The following FBXL20 variants were observed in gnomAD, a reference collection of about 807,000 sequenced individuals.
The protein encoded by FBXL20 is F-box and leucine rich repeat protein 20, also known as F-box/LRR-repeat protein 20.
Under a neutral mutation model 64.0 loss-of-function variants are expected in FBXL20, and 11 were observed. That is an observed-to-expected ratio of 0.17 (90% CI 0.11 to 0.28). The LOEUF is 0.28. Among genes scored for constraint, FBXL20 ranks in the 10% least tolerant of loss-of-function variants. The pLI, the probability that FBXL20 is intolerant of heterozygous loss-of-function variation, is 1.00. For synonymous variants in FBXL20, 184 were observed against 189.0 expected, an observed-to-expected ratio of 0.97 and a Z score of 0.22; for missense variants, 303 against 526.2, an observed-to-expected ratio of 0.58 and a Z score of 4.15.
chr17:39,272,982 T>C (rs186178308), intron 10 of FBXL20, among the ~76,000 whole-genome samples: 1 of 152,204 alleles, frequency 6.6e-6, no homozygotes, highest in Non-Finnish European at 1.5e-5. Flanking sequence ...TATTACTAAT[T>C]TTGACCAATA....
chr17:39,288,155 CG>C (rs1367774206), intron 6 of FBXL20, among the ~76,000 whole-genome samples: 4 of 151,742 alleles, frequency 2.6e-5, no homozygotes, highest in Admixed American at 1.3e-4. Flanking sequence ...TTAGTAGAGA[CG>C]GGGTTTCACC....
intron 6 of FBXL20, among the ~76,000 whole-genome samples, chr17:39,289,609 A>G (rs548704669): frequency 6.6e-6 from 1 of 152,150 alleles, no homozygotes; most frequent in East Asian, 1.9e-4. Flanking sequence ...TTGTGCCACC[A>G]CTGCATTCCA....
At position 39,252,816 on chromosome 17, in the gene FBXL20, T is replaced by C. The variant is rs74732647; in HGVS notation, c.*8644A>G. ...AAGATTTTTAAAGCAAAAGGAATCCTCTACTGCCACCTCGGATTTTATTTA... is the reference window on the plus strand; with the variant it reads ...AAGATTTTTAAAGCAAAAGGAATCCCCTACTGCCACCTCGGATTTTATTTA... On this transcript the variant is annotated 3_prime_UTR_variant, in exon 15 of 15. Transcript: ENST00000264658. 1.1e-3 allele frequency: 172 copies of C among 151,526 alleles called. 5 individuals carry two copies. In the East Asian group the frequency reaches 0.03, roughly 26 times the overall value. 9.4% of individuals were successfully genotyped at this position (151,526 alleles called of 1,614,324 possible).
intron 1 of FBXL20, among the ~76,000 whole-genome samples, chr17:39,395,185 G>A (rs1333862105): frequency 1.3e-5 from 2 of 152,286 alleles, no homozygotes; most frequent in East Asian, 3.9e-4. Context: ...AGCACTTTGG[G>A]AGGCCGAGGT....
intron 2 of FBXL20, among the ~76,000 whole-genome samples, chr17:39,330,311 A>T (rs1280322531): frequency 6.8e-6 from 1 of 147,990 alleles, no homozygotes; most frequent in Non-Finnish European, 1.5e-5. Flanking sequence ...AATAAAAAAT[A>T]AAAATAAAAA....
intron 1 of FBXL20, among the ~76,000 whole-genome samples, chr17:39,352,371 TA>T (rs2047695662): frequency 6.7e-6 from 1 of 150,332 alleles, no homozygotes; most frequent in Non-Finnish European, 1.5e-5. Flanking sequence ...TCTGAAAAAA[TA>T]AATACATTAA....
rs1332832420 is a variant in FBXL20 at position 39,254,059 on chromosome 17, A to G, written c.*7401T>C. On this transcript the variant is annotated 3_prime_UTR_variant, in exon 15 of 15. Coordinates refer to ENST00000264658, the MANE Select transcript of FBXL20 (RefSeq NM_032875.3). ...AATGAGATAATGGCAAGAGAAACTTAGTGAAGCAAAGTTTTCTTTTCTTTT... is the reference window on the plus strand; with the variant it reads ...AATGAGATAATGGCAAGAGAAACTTGGTGAAGCAAAGTTTTCTTTTCTTTT... 1 of 152,234 alleles carries G rather than the reference A, an allele frequency of 6.6e-6. No individual in the cohort carries two copies. Among genetic ancestry groups the G allele is most frequent in the African/African-American group, 2.4e-5 (1 of 41,462 alleles). The allele number at this position is 152,234 out of a possible 1,614,324, so 9.4% of individuals were successfully genotyped here. A position where few individuals can be genotyped will look rare whatever the true frequency, so the allele number is the denominator to read the frequency against.
chr17:39,310,509 T>C (rs544205776), intron 2 of FBXL20, among the ~76,000 whole-genome samples: 1 of 152,266 alleles, frequency 6.6e-6, no homozygotes, highest in South Asian at 2.1e-4. Flanking sequence ...TGGACTCCTG[T>C]CTACGTGTTA....
intron 1 of FBXL20, among the ~76,000 whole-genome samples, chr17:39,374,838 G>A (rs1214663511): frequency 6.6e-6 from 1 of 152,000 alleles, no homozygotes; most frequent in African/African-American, 2.4e-5. Context: ...GCCAGGCTGG[G>A]TGTAGTAGCG....
chr17:39,333,949 C>T (rs1424907620), intron 2 of FBXL20, among the ~76,000 whole-genome samples: 1 of 152,130 alleles, frequency 6.6e-6, no homozygotes, highest in African/African-American at 2.4e-5. Context: ...CTCTGCCCAG[C>T]CGCCACCCCG....
intron 1 of FBXL20, among the ~76,000 whole-genome samples, chr17:39,381,768 G>A (rs1185828077): frequency 6.6e-6 from 1 of 151,066 alleles, no homozygotes; most frequent in Admixed American, 6.6e-5. Context: ...ACTCCAGCCT[G>A]GGTGACAGAG....
intron 9 of FBXL20, 97 bp downstream of exon 9, chr17:39,281,292 A>G: frequency 9.1e-7 from 1 of 1,094,554 alleles, no homozygotes. Flanking sequence ...GTAGAAAAAC[A>G]ATACTGGTCT....
At chr17:39,303,720 TC>T in intron 2 of FBXL20, 81 bp from the exon 3 acceptor site, 3 of 1,257,652 alleles carry the variant, frequency 2.4e-6, no homozygotes, top group Non-Finnish European at 2.2e-6. Flanking sequence ...AGGGTCTCAC[TC>T]TGTCAGCCAA....
chr17:39,401,773 C>T (rs1047887253), upstream of FBXL20: 5 of 1,028,252 alleles, frequency 4.9e-6, no homozygotes, highest in African/African-American at 1.7e-5. Context: ...GCGAGACCAC[C>T]CCTCCCCCAC....
rs1162524401 is a variant in FBXL20, at chr17:39,343,252, A to G, written c.43-11T>C. ...ACTATTTGAGAACATCTGCAAAAAC[A>G]AAATCATAGTGTCAAGTGTTACTTA... On this transcript the variant is annotated splice_polypyrimidine_tract_variant and intron_variant, in intron 1 of 14. Transcript: ENST00000264658. The G allele has an allele frequency of 5.1e-6, 8 of 1,582,416 alleles. No individual in the cohort carries two copies. The highest frequency in any genetic ancestry group is 6.9e-6 in the Non-Finnish European group (8 of 1,163,682).
At chr17:39,389,029 G>C (rs1460543599) in intron 1 of FBXL20, among the ~76,000 whole-genome samples, 1 of 147,932 alleles carries the variant, frequency 6.8e-6, no homozygotes, top group Non-Finnish European at 1.5e-5. Context: ...GCTTGAACCC[G>C]GGAGGCGGAG....
At chr17:39,305,158 GA>G (rs1000240781) in intron 2 of FBXL20, among the ~76,000 whole-genome samples, 27 of 150,346 alleles carry the variant, frequency 1.8e-4, no homozygotes, top group South Asian at 1.3e-3. Flanking sequence ...TAAATGTCTA[GA>G]AAAAAAAACC....
At chr17:39,381,548 T>C (rs1597831944) in intron 1 of FBXL20, among the ~76,000 whole-genome samples, 1 of 147,976 alleles carries the variant, frequency 6.8e-6, no homozygotes, top group African/African-American at 2.5e-5. Context: ...CCCAACATTG[T>C]GGGAGGCCGA....
At chr17:39,305,727 T>C (rs1244880385) in intron 2 of FBXL20, among the ~76,000 whole-genome samples, 1 of 152,090 alleles carries the variant, frequency 6.6e-6, no homozygotes, top group Non-Finnish European at 1.5e-5. Flanking sequence ...GGCTCACGAC[T>C]GTAATCCCAG....
Sources: gnomAD v4.1 joint callset for allele counts (sites outside exome capture counted in the v4.1 genomes callset) on GRCh38, gnomAD v4.1.1 for gene constraint, MANE v1.5 for transcripts, NCBI Gene and HGNC (gene_info 2026-07-23, HGNC 2026-07-21) for gene names.